Variants in CDC42BPA observed in about 807,000 individuals in gnomAD.
The protein encoded by CDC42BPA is CDC42 binding protein kinase alpha.
A neutral mutation model predicts 223.5 loss-of-function variants in CDC42BPA; 80 were observed. The observed-to-expected ratio is 0.36, with a 90% CI of 0.30 to 0.43. The LOEUF is 0.43. CDC42BPA is among the 20% of genes least tolerant of loss of function. CDC42BPA has a pLI of 1.00. For synonymous variants in CDC42BPA, 694 were observed against 718.6 expected, an observed-to-expected ratio of 0.97 and a Z score of 0.55; for missense variants, 1,743 against 2,099.9, an observed-to-expected ratio of 0.83 and a Z score of 3.32.
At chr1:227,059,406 A>T in intron 21 of CDC42BPA, 1 of 1,562,836 alleles carries the variant, frequency 6.4e-7, no homozygotes, top group African/African-American at 1.4e-5. Context: ...TACAGGATGG[A>T]GAGCGCTTCA....
chr1:227,204,263 T>C (rs1030710390), intron 3 of CDC42BPA, among the ~76,000 whole-genome samples: 1 of 152,180 alleles, frequency 6.6e-6, no homozygotes, highest in African/African-American at 2.4e-5. Flanking sequence ...CATGGCCAAA[T>C]CAAACATGAG....
chr1:227,035,686 G>A (rs1572394256), intron 24 of CDC42BPA, 79 bp from the exon 25 acceptor site: 1 of 993,332 alleles, frequency 1.0e-6, no homozygotes, highest in East Asian at 2.7e-5. Context: ...CTGCATACAA[G>A]ATGCTATGTT....
intron 1 of CDC42BPA, among the ~76,000 whole-genome samples, chr1:227,260,674 A>G (rs78384568): frequency 0.055 from 8,271 of 151,222 alleles, 344 homozygotes; most frequent in Non-Finnish European, 0.073. Flanking sequence ...GAGAACAGAG[A>G]GTGCTGGAGC....
chr1:227,263,644 T>C (rs1194823826), intron 1 of CDC42BPA, among the ~76,000 whole-genome samples: 1 of 151,034 alleles, frequency 6.6e-6, no homozygotes, highest in Non-Finnish European at 1.5e-5. Context: ...TGTAATGGCA[T>C]GATCTTGGCT....
chr1:227,187,431 G>A (rs1668954787), intron 5 of CDC42BPA, among the ~76,000 whole-genome samples: 2 of 150,122 alleles, frequency 1.3e-5, no homozygotes, highest in South Asian at 4.2e-4. Flanking sequence ...AAGAATCTCT[G>A]AGCTTGAGAA....
intron 5 of CDC42BPA, among the ~76,000 whole-genome samples, chr1:227,181,003 C>G (rs535164224): frequency 6.6e-6 from 1 of 151,792 alleles, no homozygotes; most frequent in African/African-American, 2.4e-5. Context: ...CCACATGATG[C>G]TGTTAAGTCA....
At chr1:227,270,533 ATAG>A (rs1328164499) in intron 1 of CDC42BPA, among the ~76,000 whole-genome samples, 1 of 152,224 alleles carries the variant, frequency 6.6e-6, no homozygotes, top group Non-Finnish European at 1.5e-5. Context: ...AATGGTGATA[ATAG>A]TAGAACCTAG....
rs533688242 is a variant in CDC42BPA, at chr1:227,114,545, G to A, written c.1648-1632C>T. ...CATGAATGTGAATGTAAACAAATGT[G>A]TATATAAGATTATACTATAAAAATG... On this transcript the variant is annotated intron_variant, in intron 12 of 36. Coordinates refer to ENST00000366766, the MANE Select transcript of CDC42BPA (RefSeq NM_001394014.1). Among the ~76,000 whole-genome samples the A allele has an allele frequency of 5.9e-5, 9 of 151,824 alleles. No homozygotes were observed. The South Asian group carries it at 1.5e-3, about 25-fold the overall frequency.
At chr1:227,005,211 T>C (rs778083337) in intron 34 of CDC42BPA, 100 bp from the exon 35 acceptor site, 8 of 810,268 alleles carry the variant, frequency 9.9e-6, no homozygotes, top group East Asian at 2.5e-5. Flanking sequence ...AATAAAATCA[T>C]CTTGACCAGA....
intron 16 of CDC42BPA, among the ~76,000 whole-genome samples, chr1:227,082,526 AAC>A (rs1419365450): frequency 1.3e-5 from 2 of 151,884 alleles, no homozygotes; most frequent in Non-Finnish European, 1.5e-5. Context: ...CATCCTAGGT[AAC>A]ACAGTGAAAC....
chr1:227,129,187 C>G lies in CDC42BPA; in HGVS notation c.1435G>C (p.Gly479Arg). 18 of 1,593,076 alleles carry G rather than the reference C, an allele frequency of 1.1e-5. No individual in the cohort carries two copies. The highest frequency in any genetic ancestry group is 1.5e-5 in the Non-Finnish European group (18 of 1,165,160). The change falls in exon 11 of 37, where the codon GGT becomes CGT. Residue 479 changes from glycine to arginine, a missense_variant. This residue lies in a region of CDC42BPA where 464 missense variants were observed against 488.0 expected (regional missense o/e 0.95). Coordinates refer to ENST00000366766, the MANE Select transcript of CDC42BPA (RefSeq NM_001394014.1). Reference protein sequence around the residue: ...VQALQYSTVDGPLTASKDLEI... With the variant: ...VQALQYSTVDRPLTASKDLEI... ...AAATCTTTGCTTGCTGTTAGTGGAC[C>G]ATCAACAGTTGAATACTGCAGAGCT...
rs193186311 is a variant in CDC42BPA, at chr1:227,247,331, A to T, written c.270+6733T>A. 1.8e-4 allele frequency among the ~76,000 whole-genome samples: 27 copies of T among 150,944 alleles called. 1 individual carries two copies. The South Asian group carries it at 3.4e-3, about 19-fold the overall frequency. ...ATGGTGAAACCCTATCTCTATTTTT[A>T]AAAAAATACAAAAATTAGCCAGGCA... On this transcript the variant is annotated intron_variant, in intron 2 of 36. Coordinates refer to ENST00000366766, the MANE Select transcript of CDC42BPA (RefSeq NM_001394014.1).
At chr1:227,188,587 A>G (rs988659232) in intron 5 of CDC42BPA, among the ~76,000 whole-genome samples, 1 of 152,212 alleles carries the variant, frequency 6.6e-6, no homozygotes, top group African/African-American at 2.4e-5. Flanking sequence ...TAAGCGAGAG[A>G]AGCCAATCTG....
At chr1:227,192,136 T>C (rs1038800265) in intron 5 of CDC42BPA, among the ~76,000 whole-genome samples, 3 of 152,146 alleles carry the variant, frequency 2.0e-5, no homozygotes, top group African/African-American at 4.8e-5. Context: ...CTTCCTTTAA[T>C]AATGTCTTAG....
At chr1:227,169,042 T>C (rs1665648392) in intron 5 of CDC42BPA, among the ~76,000 whole-genome samples, 1 of 152,200 alleles carries the variant, frequency 6.6e-6, no homozygotes, top group South Asian at 2.1e-4. Flanking sequence ...TACTTTGTCA[T>C]CTCCACTAGG....
At chr1:227,043,959 G>A (rs896801381) in intron 23 of CDC42BPA, among the ~76,000 whole-genome samples, 1 of 152,092 alleles carries the variant, frequency 6.6e-6, no homozygotes, top group South Asian at 2.1e-4. Flanking sequence ...GGCTGTACCC[G>A]TTTATACTTC....
intron 15 of CDC42BPA, among the ~76,000 whole-genome samples, chr1:227,097,617 T>C (rs1049296267): frequency 5.9e-5 from 9 of 152,092 alleles, no homozygotes; most frequent in Non-Finnish European, 1.2e-4. Context: ...CTGAAACTGG[T>C]GATCAGCAGC....
intron 6 of CDC42BPA, among the ~76,000 whole-genome samples, chr1:227,156,187 G>A (rs1662735945): frequency 6.6e-6 from 1 of 150,818 alleles, no homozygotes; most frequent in Non-Finnish European, 1.5e-5. Flanking sequence ...GGATCTTGCT[G>A]CCACCCAGGC....
At chr1:227,142,328 T>A (rs1401448306) in intron 9 of CDC42BPA, among the ~76,000 whole-genome samples, 1 of 152,104 alleles carries the variant, frequency 6.6e-6, no homozygotes, top group Non-Finnish European at 1.5e-5. Flanking sequence ...GATGGTAGAA[T>A]TAATGGGTTG....
Sources: allele counts gnomAD v4.1 joint callset (sites outside exome capture counted in the v4.1 genomes callset), GRCh38; gene constraint gnomAD v4.1.1; regional missense constraint gnomAD v4.1.1; transcripts MANE v1.5; gene names NCBI Gene and HGNC (gene_info 2026-07-23, HGNC 2026-07-21).